Variants in PLCXD3 observed in about 807,000 individuals in gnomAD.
The protein encoded by PLCXD3 is PI-PLC X domain-containing protein 3.
Under a neutral mutation model 25.5 loss-of-function variants are expected in PLCXD3, and 19 were observed. That is an observed-to-expected ratio of 0.75 (90% CI 0.52 to 1.09). The LOEUF is 1.09. Ranked by LOEUF, PLCXD3 falls within the 50% of genes least tolerant of loss-of-function variation. The pLI is 0.00. For missense variants in PLCXD3, 411 were observed against 388.1 expected, an observed-to-expected ratio of 1.06 and a Z score of -0.50; for synonymous variants, 174 against 137.6, an observed-to-expected ratio of 1.26 and a Z score of -1.85.
At chr5:41,330,629 C>T (rs773383220) in intron 2 of PLCXD3, among the ~76,000 whole-genome samples, 21 of 151,856 alleles carry the variant, frequency 1.4e-4, no homozygotes, top group South Asian at 4.2e-4. Context: ...AAAGCTGGGC[C>T]GAAACACAAC....
At chr5:41,318,618 T>G (rs1036979677) in intron 2 of PLCXD3, among the ~76,000 whole-genome samples, 1 of 151,438 alleles carries the variant, frequency 6.6e-6, no homozygotes, top group African/African-American at 2.4e-5. Context: ...TAAGAAGCAA[T>G]AACTAAATCC....
chr5:41,433,882 T>C (rs558987171), intron 1 of PLCXD3, among the ~76,000 whole-genome samples: 2 of 152,226 alleles, frequency 1.3e-5, no homozygotes, highest in African/African-American at 2.4e-5. Flanking sequence ...ATATGATTTT[T>C]CCCCCTCCTC....
rs1199427037 is a variant in PLCXD3 at position 41,312,862 on chromosome 5, A to G, written c.*755T>C. On this transcript the variant is annotated 3_prime_UTR_variant, in exon 3 of 3. Coordinates refer to ENST00000377801, the MANE Select transcript of PLCXD3 (RefSeq NM_001005473.3). ...TACTTGCAGGGCAATATTATTTAAG[A>G]GATTGCCAAATTAAAATGCCATACA... 6.6e-6 allele frequency: 1 copy of G among 152,522 alleles called. No individual in the cohort carries two copies. Among genetic ancestry groups the G allele is most frequent in the Non-Finnish European group, 1.5e-5 (1 of 68,010 alleles). The allele number at this position is 152,522 out of a possible 1,614,324, so 9.4% of individuals were successfully genotyped here. A position where few individuals can be genotyped will look rare whatever the true frequency, so the allele number is the denominator to read the frequency against.
At chr5:41,469,682 GT>G (rs922165808) in intron 1 of PLCXD3, among the ~76,000 whole-genome samples, 3 of 152,040 alleles carry the variant, frequency 2.0e-5, no homozygotes, top group Non-Finnish European at 2.9e-5. Context: ...GAAGTAATTA[GT>G]TTTTTAAAAA....
intron 2 of PLCXD3, among the ~76,000 whole-genome samples, chr5:41,327,490 C>A (rs1743667805): frequency 2.0e-5 from 3 of 152,202 alleles, no homozygotes; most frequent in African/African-American, 7.2e-5. Flanking sequence ...AGCTCACTGT[C>A]TTCCTTTGAA....
intron 1 of PLCXD3, among the ~76,000 whole-genome samples, chr5:41,464,138 G>A (rs1230583916): frequency 6.6e-6 from 1 of 151,888 alleles, no homozygotes; most frequent in Non-Finnish European, 1.5e-5. Flanking sequence ...TTAGTGTGAT[G>A]GAATCCCTCA....
chr5:41,493,933 G>C (rs1038274469), intron 1 of PLCXD3, among the ~76,000 whole-genome samples: 1 of 152,166 alleles, frequency 6.6e-6, no homozygotes, highest in African/African-American at 2.4e-5. Flanking sequence ...CGCACAGTGC[G>C]CTGCACCCAC....
At chr5:41,344,545 C>T (rs1744248643) in intron 2 of PLCXD3, among the ~76,000 whole-genome samples, 1 of 151,920 alleles carries the variant, frequency 6.6e-6, no homozygotes, top group African/African-American at 2.4e-5. Context: ...TTATTTTGCT[C>T]TTATAATTTT....
intron 2 of PLCXD3, among the ~76,000 whole-genome samples, chr5:41,322,728 G>C (rs1324603502): frequency 6.6e-6 from 1 of 152,206 alleles, no homozygotes; most frequent in Non-Finnish European, 1.5e-5. Context: ...TGTAATTCTA[G>C]CACTTTGGGA....
At chr5:41,325,149 T>C (rs1743589797) in intron 2 of PLCXD3, among the ~76,000 whole-genome samples, 1 of 152,218 alleles carries the variant, frequency 6.6e-6, no homozygotes, top group South Asian at 2.1e-4. Context: ...GCTTTGAGAA[T>C]TGATGAAACA....
chr5:41,362,333 C>G (rs1180756775), intron 2 of PLCXD3, among the ~76,000 whole-genome samples: 1 of 152,062 alleles, frequency 6.6e-6, no homozygotes, highest in Non-Finnish European at 1.5e-5. Context: ...GCAACAGAGA[C>G]TTTGAAATCA....
intron 1 of PLCXD3, among the ~76,000 whole-genome samples, chr5:41,472,212 G>T (rs935858915): frequency 6.6e-6 from 1 of 151,926 alleles, no homozygotes; most frequent in African/African-American, 2.4e-5. Context: ...CTTTGTTGAA[G>T]CATGTATGTC....
chr5:41,426,163 T>C (rs1451243065), intron 1 of PLCXD3, among the ~76,000 whole-genome samples: 1 of 151,078 alleles, frequency 6.6e-6, no homozygotes, highest in Non-Finnish European at 1.5e-5. Flanking sequence ...TATGTAGTGG[T>C]ATCTCATTGT....
chr5:41,450,857 G>C (rs1296338801), intron 1 of PLCXD3, among the ~76,000 whole-genome samples: 1 of 152,056 alleles, frequency 6.6e-6, no homozygotes, highest in African/African-American at 2.4e-5. Context: ...AGTAGGAAAG[G>C]GGAAAAGAAG....
rs565577081 is a variant in PLCXD3 at position 41,401,283 on chromosome 5, T to C, written c.104-18749A>G. On this transcript the variant is annotated intron_variant, in intron 1 of 2. Transcript: ENST00000377801. ...TGGTGCTCTAAAAAGTATTTGCCTA[T>C]CCCAAAGTTGCAAAAGTTTAAAAAT... Among the ~76,000 whole-genome samples the C allele has an allele frequency of 5.9e-5, 9 of 152,166 alleles. No homozygotes were observed. In the East Asian group the frequency reaches 1.7e-3, roughly 29 times the overall value.
intron 1 of PLCXD3, among the ~76,000 whole-genome samples, chr5:41,460,630 C>G (rs572533329): frequency 6.6e-6 from 1 of 152,056 alleles, no homozygotes; most frequent in South Asian, 2.1e-4. Context: ...ACACAAATAA[C>G]TTTATCTAGT....
chr5:41,333,499 A>T (rs1183591753), intron 2 of PLCXD3, among the ~76,000 whole-genome samples: 1 of 152,168 alleles, frequency 6.6e-6, no homozygotes, highest in Non-Finnish European at 1.5e-5. Flanking sequence ...GGTTCAAAAT[A>T]ACCTCAGGTA....
intron 1 of PLCXD3, among the ~76,000 whole-genome samples, chr5:41,471,686 A>C (rs572819998): frequency 6.6e-6 from 1 of 152,192 alleles, no homozygotes; most frequent in Non-Finnish European, 1.5e-5. Context: ...GGATATTAGA[A>C]CACTGTAACT....
intron 1 of PLCXD3, among the ~76,000 whole-genome samples, chr5:41,419,015 C>T (rs1287922948): frequency 6.6e-6 from 1 of 152,156 alleles, no homozygotes; most frequent in African/African-American, 2.4e-5. Flanking sequence ...ACTGAGGCCA[C>T]AGCCCTCGAT....
Sources: allele counts gnomAD v4.1 joint callset (sites outside exome capture counted in the v4.1 genomes callset), GRCh38; gene constraint gnomAD v4.1.1; transcripts MANE v1.5; gene names NCBI Gene and HGNC (gene_info 2026-07-23, HGNC 2026-07-21).